CCDC51: variants seen among roughly 807,000 people sequenced by gnomAD.
CCDC51 encodes the protein coiled-coil domain containing 51, also known as mitochondrial potassium channel.
A neutral mutation model predicts 24.8 loss-of-function variants in CCDC51; 25 were observed. The observed-to-expected ratio is 1.01, with a 90% confidence interval of 0.73 to 1.41. The LOEUF is 1.41. CCDC51 is among the 40% of genes most tolerant of loss of function. The pLI is 0.00. For synonymous variants in CCDC51, 190 were observed against 204.3 expected (o/e 0.93, Z 0.60); for missense variants, 466 against 519.1 (o/e 0.90, Z 0.99).
chr3:48,441,792 A>C (rs2107166997), upstream of CCDC51, among the ~76,000 whole-genome samples: 1 of 152,290 alleles, frequency 6.6e-6, no homozygotes, highest in East Asian at 1.9e-4. Context: ...CCCCCATTTG[A>C]GCACTGTGAG....
chr3:48,433,313 G>C lies in CCDC51; in HGVS notation c.478-147C>G. On this transcript the variant is annotated intron_variant, in intron 3 of 3. Coordinates refer to ENST00000395694, the MANE Select transcript of CCDC51 (RefSeq NM_001256964.2). The surrounding 1 kb of genome is among the most constrained non-coding windows in gnomAD (Gnocchi z 4.4). ...GAATGAATGAAGGTAGCACCAACCT[G>C]GCTGGGTCAGAAGGGCAAAGGAATT... 1.3e-6 allele frequency: 1 copy of C among 775,908 alleles called. No individual in the cohort carries two copies. The highest frequency in any genetic ancestry group is 2.0e-6 in the Non-Finnish European group (1 of 493,040). 48.1% of individuals were successfully genotyped at this position (775,908 alleles called of 1,614,324 possible).
At chr3:48,440,443 C>T (rs761903507), upstream of CCDC51, 17 of 1,612,532 alleles carry the variant, frequency 1.1e-5, no homozygotes, top group South Asian at 1.9e-4. Context: ...AGAAGCAGGC[C>T]AAGGAGATGG....
At position 48,433,244 on chromosome 3, in the gene CCDC51, A is replaced by G. The variant is rs1204047814; in HGVS notation, c.478-78T>C. ...AGCTATAGCCACCAGCAGATGGCTC[A>G]CTACCTTGTGCCTGGCAGAGTACAT... is the stretch of plus-strand genomic sequence containing the variant. On this transcript the variant is annotated intron_variant, in intron 3 of 3. Transcript: ENST00000395694. This position sits in a 1 kb window ranked among gnomAD's most constrained non-coding sequence, Gnocchi z 4.4. The G allele has an allele frequency of 2.2e-6, 3 of 1,365,982 alleles. No individual in the cohort carries two copies. Among genetic ancestry groups the G allele is most frequent in the African/African-American group, 1.4e-5 (1 of 70,214 alleles). The allele number at this position is 1,365,982 out of a possible 1,614,324, so 84.6% of individuals were successfully genotyped here. A position where few individuals can be genotyped will look rare whatever the true frequency, so the allele number is the denominator to read the frequency against.
upstream of CCDC51, among the ~76,000 whole-genome samples, chr3:48,442,942 A>G (rs1477931859): frequency 6.6e-6 from 1 of 151,890 alleles, no homozygotes; most frequent in African/African-American, 2.4e-5. Flanking sequence ...ACACCTAACA[A>G]TAAGACTTCT....
chr3:48,443,005 TGAG>T (rs1317633774), upstream of CCDC51, among the ~76,000 whole-genome samples: 1 of 151,768 alleles, frequency 6.6e-6, no homozygotes, highest in Non-Finnish European at 1.5e-5. Context: ...TTTGGGAGGC[TGAG>T]GTGGGTGGAC....
At chr3:48,434,795 C>A (rs773122337) in intron 2 of CCDC51, 22 bp downstream of exon 2, 6 of 1,561,236 alleles carry the variant, frequency 3.8e-6, no homozygotes, top group African/African-American at 1.4e-5. Flanking sequence ...GCGGGGCCAG[C>A]CACCCCAGCT....
At chr3:48,441,279 C>T (rs2107164479), upstream of CCDC51, among the ~76,000 whole-genome samples, 1 of 151,884 alleles carries the variant, frequency 6.6e-6, no homozygotes, top group South Asian at 2.1e-4. Context: ...CTCCTGACCT[C>T]GTGATCCACC....
At chr3:48,446,612 GCCGAATC>G in the CCDC51 span, 2 of 414,590 alleles carry the variant, frequency 4.8e-6, no homozygotes, top group Non-Finnish European at 4.0e-6. Flanking sequence ...CAGCAAACCT[GCCGAATC>G]CCGCCCGTGG....
In CCDC51 at chr3:48,433,861, A is replaced by C; in HGVS notation, c.323T>G (p.Val108Gly). 6 of 1,613,148 alleles carry C rather than the reference A, an allele frequency of 3.7e-6. No individual in the cohort carries two copies. The highest frequency in any genetic ancestry group is 5.1e-6 in the Non-Finnish European group (6 of 1,179,534). The change falls in exon 3 of 4, where the codon GTG becomes GGG. Residue 108 changes from valine to glycine, a missense_variant. Transcript: ENST00000395694. The surrounding 1 kb of genome is among the most constrained non-coding windows in gnomAD (Gnocchi z 4.4). Reference sequence around the variant, plus strand: ...GACAAGCCCTCGAGCCACCATGAACACTTTCTCAGCCTGCAAAGAGAAAAC... The same window carrying C: ...GACAAGCCCTCGAGCCACCATGAACCCTTTCTCAGCCTGCAAAGAGAAAAC... ...AQGKVTEAEK[V>G]FMVARGLVRE...
rs1239947253 is a variant in CCDC51 at position 48,435,071 on chromosome 3, G to A, written c.58C>T (p.Leu20=). 6.2e-7 allele frequency: 1 copy of A among 1,612,546 alleles called. No individual in the cohort carries two copies. The highest frequency in any genetic ancestry group is 1.7e-5 in the Admixed American group (1 of 59,816). ...CTTCCAAGGAGGCCCCTCCGAACCA[G>A]TACGTGGGGCACACCCACGATGTGC... The part of the protein sequence containing the change: ...MQHIVGVPHV[L]VRRGLLGRDL... Residue 20 remains leucine (L), a synonymous_variant, in exon 2 of 4, where the codon CTG becomes TTG. Coordinates refer to ENST00000395694, the MANE Select transcript of CCDC51 (RefSeq NM_001256964.2). This position sits in a 1 kb window ranked among gnomAD's most constrained non-coding sequence, Gnocchi z 4.2.
rs1396026979 is a variant in CCDC51 at position 48,432,593 on chromosome 3, C to A, written c.1051G>T (p.Glu351Ter). ...CTGGGCATAGCCCCGTCTGCTGGTTCCACCAGGCCTGGGTGTGCTGCAGAC... is the reference window on the plus strand; with the variant it reads ...CTGGGCATAGCCCCGTCTGCTGGTTACACCAGGCCTGGGTGTGCTGCAGAC... ...VKSAAHPGLV[E>*]PADGAMPSFL... is the part of the protein sequence containing the mutation. The change falls in exon 4 of 4, where the codon GAA (glutamate) becomes TAA (stop). Residue 351 changes from glutamate (E) to a stop codon, truncating the protein, a stop_gained. Transcript: ENST00000395694. LOFTEE classifies it low-confidence loss of function (END_TRUNC). 1.2e-6 allele frequency: 2 copies of A among 1,614,134 alleles called. No individual in the cohort carries two copies. Among genetic ancestry groups the A allele is most frequent in the Non-Finnish European group, 1.7e-6 (2 of 1,180,056 alleles).
At position 48,432,183 on chromosome 3, in the gene CCDC51, T is replaced by G; in HGVS notation, c.*225A>C. On this transcript the variant is annotated 3_prime_UTR_variant, in exon 4 of 4. Coordinates refer to ENST00000395694, the MANE Select transcript of CCDC51 (RefSeq NM_001256964.2). ...AACTCAGTCTGATTGTTTTAAATAA[T>G]AAAACTCAGGATATTTTAATTGGAC... 1.8e-6 allele frequency: 1 copy of G among 556,682 alleles called. No homozygotes were observed. Among genetic ancestry groups the G allele is most frequent in the Middle Eastern group, 4.7e-4 (1 of 2,108 alleles). 34.5% of individuals were successfully genotyped at this position (556,682 alleles called of 1,614,324 possible). A position where few individuals can be genotyped will look rare whatever the true frequency, so the allele number is the denominator to read the frequency against.
At chr3:48,438,972 C>T (rs1319495843) in intron 1 of CCDC51, among the ~76,000 whole-genome samples, 2 of 152,154 alleles carry the variant, frequency 1.3e-5, no homozygotes, top group African/African-American at 2.4e-5. Context: ...GTTGCTGGAA[C>T]GCACCAAGTT....
At chr3:48,445,783 C>A in the CCDC51 span, among the ~76,000 whole-genome samples, 1 of 152,216 alleles carries the variant, frequency 6.6e-6, no homozygotes, top group Non-Finnish European at 1.5e-5. Flanking sequence ...TGAAGTTTGG[C>A]ACTGAGCAGG....
Position 48,433,919 on chromosome 3 carries a change from C to T in CCDC51, c.313-48G>A. The T allele has an allele frequency of 6.3e-7, 1 of 1,589,172 alleles. No homozygotes were observed. On this transcript the variant is annotated intron_variant, in intron 2 of 3. Coordinates refer to ENST00000395694, the MANE Select transcript of CCDC51 (RefSeq NM_001256964.2). This position sits in a 1 kb window ranked among gnomAD's most constrained non-coding sequence, Gnocchi z 4.4. The stretch of plus-strand genomic sequence containing the variant: ...CATCTGCACCTTCTCTCCACACCCA[C>T]ACAGGCTCAGCTGCATTCCCAGCAA...
At chr3:48,438,134 A>G (rs900325177) in intron 1 of CCDC51, 1 of 152,088 alleles carries the variant, frequency 6.6e-6, no homozygotes, top group African/African-American at 2.4e-5. Flanking sequence ...TGGAAACTGT[A>G]GCACCCCGGC....
At chr3:48,440,276 G>A, upstream of CCDC51, 4 of 1,597,716 alleles carry the variant, frequency 2.5e-6, no homozygotes, top group African/African-American at 1.3e-5. Context: ...GGCAGGGTCT[G>A]GGGAAGCGGC....
upstream of CCDC51, chr3:48,441,146 G>C (rs897023405): frequency 1.3e-5 from 2 of 153,784 alleles, no homozygotes; most frequent in African/African-American, 4.8e-5. Context: ...CTCCCAAGTA[G>C]CTGGGATTAC....
At position 48,440,067 on chromosome 3, in the gene CCDC51, C is replaced by A; in HGVS notation, c.-88G>T. On this transcript the variant is annotated 5_prime_UTR_variant, in exon 1 of 4. Transcript: ENST00000395694. Reference sequence around the variant, plus strand: ...ACCCCTCCTACGGTTCCGATTCTACCCTGGCAGGACAACCCTAGCTCCTCG... The same window carrying A: ...ACCCCTCCTACGGTTCCGATTCTACACTGGCAGGACAACCCTAGCTCCTCG... 1 of 685,964 alleles carries A rather than the reference C, an allele frequency of 1.5e-6. No individual in the cohort carries two copies. Among genetic ancestry groups the A allele is most frequent in the Non-Finnish European group, 2.3e-6 (1 of 426,264 alleles). 42.5% of individuals were successfully genotyped at this position (685,964 alleles called of 1,614,324 possible). A position where few individuals can be genotyped will look rare whatever the true frequency, so the allele number is the denominator to read the frequency against.
Sources: gnomAD v4.1 joint callset for allele counts (sites outside exome capture counted in the v4.1 genomes callset) on GRCh38, gnomAD v4.1.1 for gene constraint, Gnocchi (gnomAD v3.1) non-coding constraint, MANE v1.5 for transcripts, NCBI Gene and HGNC (gene_info 2026-07-23, HGNC 2026-07-21) for gene names.